The following DPP6 variants were observed in gnomAD, a reference collection of about 807,000 sequenced individuals.
DPP6 encodes dipeptidyl peptidase like 6.
In DPP6, 69 loss-of-function variants were observed where a neutral mutation model predicts 122.6. That is an observed-to-expected ratio of 0.56 (90% confidence interval 0.46 to 0.69). DPP6 has a LOEUF of 0.69. Among genes scored for constraint, DPP6 ranks in the 30% least tolerant of loss-of-function variants. The pLI is 0.00. For synonymous variants in DPP6, 418 were observed against 433.1 expected, an observed-to-expected ratio of 0.97 and a Z score of 0.43; for missense variants, 928 against 1,116.9, an observed-to-expected ratio of 0.83 and a Z score of 2.41.
At position 154,083,191 on chromosome 7, in the gene DPP6, G is replaced by A. The variant is rs185932394; in HGVS notation, c.243+30128G>A. On this transcript the variant is annotated intron_variant, in intron 1 of 25. Transcript: ENST00000377770. ...TGACTAGTTGGATTAGTGAGGAGTC[G>A]GTTAGTTGTTGTGCTTCTTTGCAGT... 3.3e-5 allele frequency among the ~76,000 whole-genome samples: 5 copies of A among 152,086 alleles called. No individual in the cohort carries two copies. The East Asian group carries it at 7.8e-4, about 24-fold the overall frequency.
chr7:154,142,631 G>A (rs188471430), intron 1 of DPP6, among the ~76,000 whole-genome samples: 1 of 152,142 alleles, frequency 6.6e-6, no homozygotes, highest in Non-Finnish European at 1.5e-5. Flanking sequence ...TGATTGTACA[G>A]TTGATTAATG....
chr7:154,343,644 G>A (rs1465777809), intron 1 of DPP6, among the ~76,000 whole-genome samples: 1 of 152,182 alleles, frequency 6.6e-6, no homozygotes, highest in Non-Finnish European at 1.5e-5. Context: ...GCAATGGTGC[G>A]ATCTCGGCTC....
chr7:154,213,661 G>A (rs1357554947), intron 1 of DPP6, among the ~76,000 whole-genome samples: 2 of 152,160 alleles, frequency 1.3e-5, no homozygotes, highest in Non-Finnish European at 2.9e-5. Flanking sequence ...TGTGTGCCCT[G>A]TGGCACTTTC....
chr7:153,981,529 T>C (rs888277752), intron 1 of DPP6, among the ~76,000 whole-genome samples: 4 of 152,198 alleles, frequency 2.6e-5, no homozygotes, highest in African/African-American at 7.2e-5. Flanking sequence ...ATTGGGGCAT[T>C]TAGTGCATTT....
At chr7:154,683,369 C>G (rs1839403416) in intron 7 of DPP6, among the ~76,000 whole-genome samples, 1 of 152,160 alleles carries the variant, frequency 6.6e-6, no homozygotes. Context: ...TAAGTGGTAC[C>G]ACCATCTCTT....
At chr7:154,730,822 A>G (rs1842303114) in intron 8 of DPP6, among the ~76,000 whole-genome samples, 1 of 152,258 alleles carries the variant, frequency 6.6e-6, no homozygotes, top group African/African-American at 2.4e-5. Flanking sequence ...TAACCAGGAG[A>G]TTTAAAATAT....
intron 1 of DPP6, among the ~76,000 whole-genome samples, chr7:154,082,998 G>A (rs1294429638): frequency 2.6e-5 from 4 of 151,728 alleles, no homozygotes; most frequent in Non-Finnish European, 5.9e-5. Flanking sequence ...GCAGGCGCCC[G>A]CCACCATGCC....
intron 1 of DPP6, among the ~76,000 whole-genome samples, chr7:153,962,065 C>T (rs2628859): frequency 0.31 from 44,558 of 143,152 alleles, 8,128 homozygotes; most frequent in East Asian, 0.51. Context: ...AAAGAAATGG[C>T]GGTGGCATCA....
chr7:154,011,305 A>G (rs1354743041), intron 1 of DPP6, among the ~76,000 whole-genome samples: 4 of 152,200 alleles, frequency 2.6e-5, no homozygotes, highest in Non-Finnish European at 4.4e-5. Flanking sequence ...GAAGCCTCAC[A>G]TTCCTGATGC....
chr7:154,388,670 G>C (rs1181762312), intron 1 of DPP6, among the ~76,000 whole-genome samples: 1 of 152,114 alleles, frequency 6.6e-6, no homozygotes, highest in Non-Finnish European at 1.5e-5. Flanking sequence ...TGTCTAACAG[G>C]AGCTGGAGGG....
In DPP6 at chr7:154,320,729, G is replaced by A. The variant is rs187015696; in HGVS notation, c.244-125485G>A. ...TCGAACTCCTGGCCTCAGGTGATCC[G>A]CCTGCCTCAACCTCCCAACGTGCTG... On this transcript the variant is annotated intron_variant, in intron 1 of 25. Transcript: ENST00000377770. Among the ~76,000 whole-genome samples, 90 of 152,180 alleles carry A rather than the reference G, an allele frequency of 5.9e-4. No homozygotes were observed. In the East Asian group the frequency reaches 0.015, roughly 25 times the overall value.
At chr7:154,268,295 CGTAAACT>C (rs1175242317) in intron 1 of DPP6, among the ~76,000 whole-genome samples, 4 of 152,088 alleles carry the variant, frequency 2.6e-5, no homozygotes, top group Non-Finnish European at 5.9e-5. Context: ...AACAAAATAC[CGTAAACT>C]GGGTGGCTTA....
At chr7:154,661,602 A>G (rs1278594737) in intron 6 of DPP6, among the ~76,000 whole-genome samples, 1 of 142,050 alleles carries the variant, frequency 7.0e-6, no homozygotes, top group Admixed American at 6.8e-5. Context: ...TAGTGTTCAT[A>G]TAGTCATGGT....
At chr7:154,830,123 T>C (rs1273375944) in intron 16 of DPP6, among the ~76,000 whole-genome samples, 1 of 152,232 alleles carries the variant, frequency 6.6e-6, no homozygotes, top group African/African-American at 2.4e-5. Context: ...ATCTTGATGA[T>C]TTTTTTGAGT....
At chr7:154,077,912 G>A (rs1411395631) in intron 1 of DPP6, among the ~76,000 whole-genome samples, 2 of 152,030 alleles carry the variant, frequency 1.3e-5, no homozygotes, top group East Asian at 3.9e-4. Context: ...CTCATGATCT[G>A]CCCTCCTCGG....
At chr7:154,758,078 T>G (rs1478394027) in intron 8 of DPP6, among the ~76,000 whole-genome samples, 1 of 152,108 alleles carries the variant, frequency 6.6e-6, no homozygotes, top group East Asian at 1.9e-4. Context: ...CCCCTTCAGG[T>G]GGGCAAACAC....
At chr7:154,576,901 A>G (rs1831718038) in intron 5 of DPP6, among the ~76,000 whole-genome samples, 1 of 152,158 alleles carries the variant, frequency 6.6e-6, no homozygotes, top group African/African-American at 2.4e-5. Context: ...GAGTGAAGCC[A>G]AGAGGAGCCA....
intron 8 of DPP6, among the ~76,000 whole-genome samples, chr7:154,732,998 A>G (rs1454794056): frequency 6.6e-6 from 1 of 151,412 alleles, no homozygotes; most frequent in Non-Finnish European, 1.5e-5. Context: ...ACTCCATGGC[A>G]CCCTCCCCAT....
intron 1 of DPP6, among the ~76,000 whole-genome samples, chr7:154,272,129 T>C (rs1451673766): frequency 6.6e-6 from 1 of 152,230 alleles, no homozygotes; most frequent in African/African-American, 2.4e-5. Context: ...TCACTTTCAA[T>C]TCCCTGGCTG....
Sources: gnomAD v4.1 joint callset for allele counts (sites outside exome capture counted in the v4.1 genomes callset) on GRCh38, gnomAD v4.1.1 for gene constraint, MANE v1.5 for transcripts, NCBI Gene and HGNC (gene_info 2026-07-23, HGNC 2026-07-21) for gene names.